The following ANGPTL2 variants were observed in gnomAD, a reference collection of about 807,000 sequenced individuals.
ANGPTL2 encodes angiopoietin-related protein 2.
Under a neutral mutation model 52.8 loss-of-function variants are expected in ANGPTL2, and 25 were observed. The ratio of observed to expected loss-of-function variants is 0.47; its 90% CI spans 0.35 to 0.66. The LOEUF is 0.66. Ranked by LOEUF, ANGPTL2 falls within the 30% of genes least tolerant of loss-of-function variation. The pLI is 0.01. For synonymous variants in ANGPTL2, 276 were observed against 277.4 expected, an observed-to-expected ratio of 1.00 and a Z score of 0.05; for missense variants, 546 against 656.9, an observed-to-expected ratio of 0.83 and a Z score of 1.84.
At chr9:127,101,208 T>G (rs2053689750) in intron 2 of ANGPTL2, among the ~76,000 whole-genome samples, 1 of 152,236 alleles carries the variant, frequency 6.6e-6, no homozygotes. Flanking sequence ...CTAGAGCCTT[T>G]CACCTGCCAT....
In ANGPTL2 at chr9:127,088,251, G is replaced by C. The variant is rs373222674; in HGVS notation, c.*688C>G. On this transcript the variant is annotated 3_prime_UTR_variant, in exon 5 of 5. Coordinates refer to ENST00000373425, the MANE Select transcript of ANGPTL2 (RefSeq NM_012098.3). ...AGAATGGGGAAAAGTATGAAAATGTGGGGGGAGGGATTTTGAAATTTGATT... is the reference window on the plus strand; with the variant it reads ...AGAATGGGGAAAAGTATGAAAATGTCGGGGGAGGGATTTTGAAATTTGATT... 6.6e-5 allele frequency: 10 copies of C among 152,200 alleles called. No homozygotes were observed. Among genetic ancestry groups the C allele is most frequent in the Admixed American group, 4.6e-4 (7 of 15,284 alleles). The allele number at this position is 152,200 out of a possible 1,614,324, so 9.4% of individuals were successfully genotyped here.
chr9:127,120,766 T>C (rs1413112310), intron 1 of ANGPTL2, among the ~76,000 whole-genome samples: 1 of 151,306 alleles, frequency 6.6e-6, no homozygotes, highest in African/African-American at 2.4e-5. Context: ...AGGCGGAGTT[T>C]GCAGTGAGCC....
At chr9:127,120,860 C>T (rs980049204) in intron 1 of ANGPTL2, among the ~76,000 whole-genome samples, 4 of 151,964 alleles carry the variant, frequency 2.6e-5, no homozygotes, top group Admixed American at 2.0e-4. Context: ...TGTCTCTGCT[C>T]TTCCCTTCCC....
At chr9:127,093,197 C>A (rs1166109472) in intron 3 of ANGPTL2, among the ~76,000 whole-genome samples, 2 of 152,182 alleles carry the variant, frequency 1.3e-5, no homozygotes, top group African/African-American at 4.8e-5. Flanking sequence ...GTCCTGGCAA[C>A]TTTCCCTGCT....
intron 2 of ANGPTL2, among the ~76,000 whole-genome samples, chr9:127,095,773 G>A (rs563234957): frequency 8.3e-4 from 126 of 152,348 alleles, no homozygotes; most frequent in African/African-American, 2.8e-3. Flanking sequence ...TAGTTCACAC[G>A]TAATAGTTAT....
At position 127,108,029 on chromosome 9, in the gene ANGPTL2, T is replaced by C. The variant is rs2054392253; in HGVS notation, c.703A>G (p.Asn235Asp). 6.2e-7 allele frequency: 1 copy of C among 1,602,918 alleles called. No homozygotes were observed. ...TGGATCTCGTTGGTAGAGATCTGGTTGATGATGCGGTTGTAGGTGGGTGGT... is the reference window on the plus strand; with the variant it reads ...TGGATCTCGTTGGTAGAGATCTGGTCGATGATGCGGTTGTAGGTGGGTGGT... ...YQPPTYNRII[N>D]QISTNEIQSD... Residue 235 changes from asparagine to aspartate, a missense_variant, in exon 2 of 5, where the codon AAC (asparagine) becomes GAC (aspartate). Around this residue, in one of 2 missense-constraint regions of ANGPTL2, gnomAD observed 261 missense variants for 361.0 expected, o/e 0.72. Transcript: ENST00000373425.
chr9:127,117,406 A>G (rs1007407283), intron 1 of ANGPTL2, among the ~76,000 whole-genome samples: 2 of 152,244 alleles, frequency 1.3e-5, no homozygotes, highest in African/African-American at 4.8e-5. Flanking sequence ...CTTCATTTGT[A>G]TAATGTATTT....
At chr9:127,106,474 G>A (rs894947297) in intron 2 of ANGPTL2, among the ~76,000 whole-genome samples, 7 of 152,174 alleles carry the variant, frequency 4.6e-5, no homozygotes, top group African/African-American at 1.2e-4. Context: ...CATGTTTTTT[G>A]CAGTATTTCG....
intron 2 of ANGPTL2, among the ~76,000 whole-genome samples, chr9:127,095,254 C>T (rs539694058): frequency 1.3e-5 from 2 of 152,116 alleles, no homozygotes; most frequent in African/African-American, 4.8e-5. Flanking sequence ...AAAAATTAGC[C>T]GTGTGTGGTG....
At chr9:127,120,506 G>C (rs2055933452) in intron 1 of ANGPTL2, among the ~76,000 whole-genome samples, 1 of 152,238 alleles carries the variant, frequency 6.6e-6, no homozygotes, top group African/African-American at 2.4e-5. Flanking sequence ...AACCCTAGCA[G>C]GATATGTCCA....
chr9:127,111,516 G>A (rs1034022906), intron 1 of ANGPTL2, among the ~76,000 whole-genome samples: 2 of 152,212 alleles, frequency 1.3e-5, no homozygotes, highest in Non-Finnish European at 2.9e-5. Flanking sequence ...AGCTGGGAGT[G>A]CTGGAAAGAG....
At chr9:127,101,438 CATGAGTCCCTCA>C (rs1416543960) in intron 2 of ANGPTL2, among the ~76,000 whole-genome samples, 3 of 152,200 alleles carry the variant, frequency 2.0e-5, no homozygotes, top group African/African-American at 7.2e-5. Context: ...AGGCTCACTC[CATGAGTCCCTCA>C]ATGCTCTGTG....
intron 1 of ANGPTL2, among the ~76,000 whole-genome samples, chr9:127,121,875 T>C (rs1192592926): frequency 6.6e-6 from 1 of 152,156 alleles, no homozygotes; most frequent in Admixed American, 6.5e-5. Flanking sequence ...TGCCTCACAT[T>C]GTCCCGGCCT....
Position 127,107,802 on chromosome 9 carries a change from T to G in ANGPTL2, c.817+113A>C, listed in dbSNP as rs1167264191. The G allele has an allele frequency of 7.1e-6, 8 of 1,126,448 alleles. No homozygotes were observed. The East Asian group carries it at 1.7e-4, about 24-fold the overall frequency. The allele number at this position is 1,126,448 out of a possible 1,614,324, so 69.8% of individuals were successfully genotyped here. A position where few individuals can be genotyped will look rare whatever the true frequency, so the allele number is the denominator to read the frequency against. On this transcript the variant is annotated intron_variant, in intron 2 of 4. Coordinates refer to ENST00000373425, the MANE Select transcript of ANGPTL2 (RefSeq NM_012098.3). The stretch of plus-strand genomic sequence containing the variant: ...AGGGATTGCTGGGGGATTGTGCATG[T>G]CTTTGGCCTGGCTTCAACTGGCCAT...
intron 2 of ANGPTL2, among the ~76,000 whole-genome samples, chr9:127,100,215 A>T (rs1195374426): frequency 1.3e-5 from 2 of 152,240 alleles, no homozygotes; most frequent in Non-Finnish European, 2.9e-5. Context: ...AATAATTTTA[A>T]AAGCAAAAGT....
intron 1 of ANGPTL2, among the ~76,000 whole-genome samples, chr9:127,109,654 C>T (rs2054601473): frequency 6.6e-6 from 1 of 152,224 alleles, no homozygotes; most frequent in African/African-American, 2.4e-5. Flanking sequence ...CATCCTTTCA[C>T]CAGATGTTGA....
chr9:127,098,377 C>T (rs1434974956), intron 2 of ANGPTL2, among the ~76,000 whole-genome samples: 1 of 152,184 alleles, frequency 6.6e-6, no homozygotes, highest in Non-Finnish European at 1.5e-5. Context: ...CACCTGGGCT[C>T]AGAGTGGAGC....
At chr9:127,119,539 G>T (rs188867839) in intron 1 of ANGPTL2, among the ~76,000 whole-genome samples, 1 of 152,296 alleles carries the variant, frequency 6.6e-6, no homozygotes, top group East Asian at 1.9e-4. Context: ...AACCTCTCGA[G>T]ACTTAGTTTT....
intron 2 of ANGPTL2, among the ~76,000 whole-genome samples, chr9:127,094,984 G>A (rs887189760): frequency 6.6e-6 from 1 of 152,244 alleles, no homozygotes; most frequent in Non-Finnish European, 1.5e-5. Flanking sequence ...GTCACCAAGG[G>A]TCTGGACAGG....
Sources: allele counts gnomAD v4.1 joint callset (sites outside exome capture counted in the v4.1 genomes callset), GRCh38; gene constraint gnomAD v4.1.1; regional missense constraint gnomAD v4.1.1; transcripts MANE v1.5; gene names NCBI Gene and HGNC (gene_info 2026-07-23, HGNC 2026-07-21).